The following KPNA1 variants were observed in gnomAD, a reference collection of about 807,000 sequenced individuals.
The protein encoded by KPNA1 is importin subunit alpha-5.
KPNA1 carries 10 observed loss-of-function variants against 70.5 expected under a neutral mutation model. That is an observed-to-expected ratio of 0.14 (90% confidence interval 0.09 to 0.24). The LOEUF is 0.24. Among genes scored for constraint, KPNA1 ranks in the 10% least tolerant of loss-of-function variants. The probability of loss-of-function intolerance (pLI) is 1.00; values close to 1 mark genes in which losing one functional copy is unlikely to be tolerated. For synonymous variants in KPNA1, 192 were observed against 221.9 expected (o/e 0.87, Z 1.20); for missense variants, 397 against 637.9 (o/e 0.62, Z 4.07).
rs562332990 is a variant in KPNA1 at position 122,505,856 on chromosome 3, T to C, written c.-6+8901A>G. ...AAGTCTGTGTCAACTGACACCTAGA[T>C]AACTACAACAGCTCTAAACCAGCAT... is the stretch of plus-strand genomic sequence containing the variant. On this transcript the variant is annotated intron_variant, in intron 1 of 13. Transcript: ENST00000344337. Among the ~76,000 whole-genome samples the C allele has an allele frequency of 5.9e-5, 9 of 152,346 alleles. No individual in the cohort carries two copies. In the South Asian group the frequency reaches 1.7e-3, roughly 28 times the overall value.
At position 122,453,967 on chromosome 3, in the gene KPNA1, G is replaced by A. The variant is rs1376923123; in HGVS notation, c.467C>T (p.Ser156Leu). 1 of 1,610,816 alleles carries A rather than the reference G, an allele frequency of 6.2e-7. No homozygotes were observed. The highest frequency in any genetic ancestry group is 1.1e-5 in the South Asian group (1 of 90,836). ...AATTCGGGTCTGAAGAGAATTTCCTGAAGCAATATTTGTCAGTACCCAAGC... is the reference window on the plus strand; with the variant it reads ...AATTCGGGTCTGAAGAGAATTTCCTAAAGCAATATTTGTCAGTACCCAAGC... ...ESAWVLTNIASGNSLQTRIVI... is the reference protein window; with the variant it reads ...ESAWVLTNIALGNSLQTRIVI... Residue 156 changes from serine (S) to leucine (L), a missense_variant, in exon 6 of 14, where the codon TCA becomes TTA. Physicochemically the swap from Ser to Leu is moderately radical, Grantham distance 145. Coordinates refer to ENST00000344337, the MANE Select transcript of KPNA1 (RefSeq NM_002264.4).
intron 6 of KPNA1, among the ~76,000 whole-genome samples, chr3:122,453,528 CTTT>C (rs1050210787): frequency 6.6e-6 from 1 of 150,912 alleles, no homozygotes; most frequent in Non-Finnish European, 1.5e-5. Flanking sequence ...TTTTGTTTTT[CTTT>C]TTTTGTTTGT....
rs1553780497 is a variant in KPNA1 at position 122,429,469 on chromosome 3, A to AG, written c.1251-1754dup. Among the ~76,000 whole-genome samples the AG allele has an allele frequency of 6.6e-4, 99 of 149,900 alleles. 1 individual carries two copies. The East Asian group carries it at 0.019, about 28-fold the overall frequency. ...CTCAAAAAAAAAAAAAAAAAAAAAA[A>AG]GAATCTCATTTACATCAGCATCAAA... On this transcript the variant is annotated intron_variant, in intron 12 of 13. Transcript: ENST00000344337.
intron 5 of KPNA1, chr3:122,460,495 G>A (rs773106995): frequency 9.1e-5 from 20 of 220,896 alleles, no homozygotes; most frequent in Non-Finnish European, 1.5e-4. Flanking sequence ...GAATTAGCTG[G>A]ATATGGTGGT....
chr3:122,494,072 T>A (rs1483837791), intron 2 of KPNA1, among the ~76,000 whole-genome samples: 2 of 152,194 alleles, frequency 1.3e-5, no homozygotes, highest in African/African-American at 4.8e-5. Context: ...CAGATAGTGT[T>A]AACAAATACT....
chr3:122,462,772 A>G (rs2076338401), intron 4 of KPNA1, among the ~76,000 whole-genome samples: 1 of 152,178 alleles, frequency 6.6e-6, no homozygotes, highest in Non-Finnish European at 1.5e-5. Context: ...GGGATATATT[A>G]AATTTTTTTA....
intron 1 of KPNA1, among the ~76,000 whole-genome samples, chr3:122,499,713 C>T (rs2076804094): frequency 2.0e-5 from 3 of 150,568 alleles, no homozygotes; most frequent in East Asian, 3.9e-4. Context: ...GAGCCATGAT[C>T]ACACCACTGT....
At chr3:122,476,785 G>A (rs570419042) in intron 2 of KPNA1, among the ~76,000 whole-genome samples, 1 of 127,922 alleles carries the variant, frequency 7.8e-6, no homozygotes, top group East Asian at 2.6e-4. Context: ...GGATGCTGAG[G>A]AAAGGAAACC....
At chr3:122,490,036 G>GTT (rs2076679784) in intron 2 of KPNA1, among the ~76,000 whole-genome samples, 1 of 152,216 alleles carries the variant, frequency 6.6e-6, no homozygotes, top group African/African-American at 2.4e-5. Flanking sequence ...CCAGCCCTGT[G>GTT]TAAGTACCAG....
At chr3:122,439,282 A>G (rs2076031979) in intron 10 of KPNA1, among the ~76,000 whole-genome samples, 2 of 152,162 alleles carry the variant, frequency 1.3e-5, no homozygotes, top group African/African-American at 4.8e-5. Context: ...TCCTGGGTGC[A>G]AGCAATCCTC....
At chr3:122,451,844 A>AG in intron 7 of KPNA1, 132 bp downstream of exon 7, 1 of 713,056 alleles carries the variant, frequency 1.4e-6, no homozygotes, top group Non-Finnish European at 2.4e-6. Flanking sequence ...GATCTAAACA[A>AG]GAAAATATCT....
At chr3:122,479,279 T>C (rs1381921809) in intron 2 of KPNA1, among the ~76,000 whole-genome samples, 2 of 152,196 alleles carry the variant, frequency 1.3e-5, no homozygotes, top group Admixed American at 1.3e-4. Context: ...ACCCATATTA[T>C]ATGTTATCAG....
rs188455469 is a variant in KPNA1 at position 122,487,670 on chromosome 3, T to G, written c.129+8767A>C. On this transcript the variant is annotated intron_variant, in intron 2 of 13. Transcript: ENST00000344337. ...AAGTCAGTTACAAGAGGACAAATAT[T>G]GTACGAGTCTACTTATATGAGATAT... Among the ~76,000 whole-genome samples the G allele has an allele frequency of 1.1e-3, 173 of 152,318 alleles. 1 individual carries two copies. Among genetic ancestry groups the G allele is most frequent in the African/African-American group, 4.0e-3 (168 of 41,560 alleles).
In KPNA1 at chr3:122,513,906, T is replaced by C. The variant is rs147944432; in HGVS notation, c.-6+851A>G. Among the ~76,000 whole-genome samples, 390 of 152,282 alleles carry C rather than the reference T, an allele frequency of 2.6e-3. 3 individuals carry two copies. The highest frequency in any genetic ancestry group is 9.2e-3 in the African/African-American group (383 of 41,576). ...ATAGCGAGACCCCATCTCTTTAAAA[T>C]ACAAACAAAAACTCGGCAATCGTTT... On this transcript the variant is annotated intron_variant, in intron 1 of 13. Transcript: ENST00000344337.
intron 1 of KPNA1, among the ~76,000 whole-genome samples, chr3:122,501,418 T>C (rs945855019): frequency 2.0e-5 from 3 of 152,220 alleles, no homozygotes; most frequent in Non-Finnish European, 4.4e-5. Flanking sequence ...GATGTCTTCA[T>C]TTTCATTTAT....
intron 5 of KPNA1, among the ~76,000 whole-genome samples, chr3:122,456,191 C>A (rs946788786): frequency 1.2e-4 from 18 of 152,104 alleles, no homozygotes; most frequent in African/African-American, 4.1e-4. Context: ...AAAACAAGTT[C>A]ACCTAAGATG....
At chr3:122,483,786 G>T (rs1164148277) in intron 2 of KPNA1, among the ~76,000 whole-genome samples, 1 of 152,140 alleles carries the variant, frequency 6.6e-6, no homozygotes, top group Non-Finnish European at 1.5e-5. Context: ...TTTGCTGGTT[G>T]TTTATTTTTT....
At chr3:122,485,073 T>C (rs886485563) in intron 2 of KPNA1, among the ~76,000 whole-genome samples, 7 of 152,078 alleles carry the variant, frequency 4.6e-5, no homozygotes, top group African/African-American at 1.7e-4. Flanking sequence ...GTTGTTGCTG[T>C]TGTTGTTGTT....
chr3:122,481,284 C>A (rs1406837357), intron 2 of KPNA1, among the ~76,000 whole-genome samples: 1 of 152,106 alleles, frequency 6.6e-6, no homozygotes, highest in Non-Finnish European at 1.5e-5. Context: ...AAATGTCCAA[C>A]AACTGAGTCA....
Sources: gnomAD v4.1 joint callset for allele counts (sites outside exome capture counted in the v4.1 genomes callset) on GRCh38, gnomAD v4.1.1 for gene constraint, MANE v1.5 for transcripts, NCBI Gene and HGNC (gene_info 2026-07-23, HGNC 2026-07-21) for gene names.